The following DIAPH2 variants were observed in gnomAD, a reference collection of about 807,000 sequenced individuals.
DIAPH2 encodes diaphanous related formin 2.
In DIAPH2, 35 loss-of-function variants were observed where a neutral mutation model predicts 92.7. That is an observed-to-expected ratio of 0.38 (90% confidence interval 0.29 to 0.50). DIAPH2 has a LOEUF of 0.50. DIAPH2 is among the 20% of genes least tolerant of loss of function. DIAPH2 has a pLI of 0.94. For missense variants in DIAPH2, 701 were observed against 819.5 expected, an observed-to-expected ratio of 0.86 and a Z score of 1.77; for synonymous variants, 301 against 280.4, an observed-to-expected ratio of 1.07 and a Z score of -0.73.
chrX:96,883,406 G>A (rs1296498990), intron 5 of DIAPH2, among the ~76,000 whole-genome samples: 1 of 107,040 alleles, frequency 9.3e-6, no homozygotes, highest in Non-Finnish European at 1.9e-5. Context: ...TTGAGACGGA[G>A]TTTTGTTCTT....
chrX:97,097,396 A>G (rs906174628), intron 19 of DIAPH2, among the ~76,000 whole-genome samples: 8 of 112,000 alleles, frequency 7.1e-5, no homozygotes, highest in Admixed American at 6.6e-4. Flanking sequence ...CTTAAAACTC[A>G]TAAGATGATA....
intron 4 of DIAPH2, among the ~76,000 whole-genome samples, chrX:96,787,686 CTTTTTTTTTTTT>C (rs56998803): frequency 1.8e-5 from 1 of 54,735 alleles, no homozygotes; most frequent in African/African-American, 9.1e-5. Context: ...ACTCTTTTCT[CTTTTTTTTTTTT>C]TTTTTTTTTT....
intron 17 of DIAPH2, among the ~76,000 whole-genome samples, chrX:96,974,901 C>G (rs1391184882): frequency 9.0e-6 from 1 of 111,151 alleles, no homozygotes; most frequent in Non-Finnish European, 1.9e-5. Flanking sequence ...ATTAGAATTT[C>G]TAGGGTTCTC....
chrX:97,028,168 A>G (rs2066347835), intron 17 of DIAPH2, among the ~76,000 whole-genome samples: 1 of 110,976 alleles, frequency 9.0e-6, no homozygotes, highest in African/African-American at 3.3e-5. Context: ...TCTTCCTAAC[A>G]TTTAAATGAT....
intron 17 of DIAPH2, among the ~76,000 whole-genome samples, chrX:96,993,710 A>T (rs1307486881): frequency 1.8e-5 from 2 of 112,221 alleles, no homozygotes; most frequent in Non-Finnish European, 3.8e-5. Context: ...TATCAGGCAG[A>T]TATATAAAGT....
At chrX:97,104,810 T>C (rs1393614313) in intron 20 of DIAPH2, among the ~76,000 whole-genome samples, 1 of 111,832 alleles carries the variant, frequency 8.9e-6, no homozygotes, top group Non-Finnish European at 1.9e-5. Flanking sequence ...ATTAGATTAC[T>C]CTTGCAGTAT....
At chrX:97,207,210 T>C (rs1002435635) in intron 22 of DIAPH2, among the ~76,000 whole-genome samples, 1 of 112,102 alleles carries the variant, frequency 8.9e-6, no homozygotes, top group Non-Finnish European at 1.9e-5. Context: ...ATGAAGAAAG[T>C]ACTTTACCAA....
intron 23 of DIAPH2, among the ~76,000 whole-genome samples, chrX:97,283,030 T>C (rs1974120671): frequency 9.0e-6 from 1 of 111,474 alleles, no homozygotes; most frequent in South Asian, 3.8e-4. Flanking sequence ...TAGTGGTAGA[T>C]GGAGGCTGAC....
intron 23 of DIAPH2, among the ~76,000 whole-genome samples, chrX:97,316,511 C>T (rs2068841780): frequency 9.3e-6 from 1 of 107,655 alleles, no homozygotes; most frequent in Admixed American, 1.0e-4. Context: ...AAAAAACTAG[C>T]CGGGCCTGGT....
chrX:97,336,583 TG>T (rs1417988875), intron 23 of DIAPH2, among the ~76,000 whole-genome samples: 1 of 111,232 alleles, frequency 9.0e-6, no homozygotes, highest in Non-Finnish European at 1.9e-5. Flanking sequence ...ATTTAAAAAA[TG>T]TTTTGTATTT....
chrX:97,474,114 G>A (rs2070585690), intron 26 of DIAPH2, among the ~76,000 whole-genome samples: 1 of 112,541 alleles, frequency 8.9e-6, no homozygotes, highest in Non-Finnish European at 1.9e-5. Context: ...AATTGTGACA[G>A]AGACTCTGTG....
At chrX:97,109,605 C>A (rs998906010) in intron 20 of DIAPH2, among the ~76,000 whole-genome samples, 6 of 110,971 alleles carry the variant, frequency 5.4e-5, no homozygotes, top group African/African-American at 2.0e-4. Context: ...CTGTATGGGG[C>A]TCTGAATTTG....
At chrX:96,810,147 G>A (rs1256916879) in intron 4 of DIAPH2, among the ~76,000 whole-genome samples, 1 of 112,189 alleles carries the variant, frequency 8.9e-6, no homozygotes, top group Non-Finnish European at 1.9e-5. Flanking sequence ...GTGTAAAAGT[G>A]TTCCTATTTC....
chrX:96,759,036 A>G (rs2064250652), intron 4 of DIAPH2, among the ~76,000 whole-genome samples: 1 of 109,506 alleles, frequency 9.1e-6, no homozygotes, highest in Non-Finnish European at 1.9e-5. Context: ...TTTAATACCT[A>G]GAGTTCATAA....
At chrX:97,558,290 G>T (rs2071270857) in intron 26 of DIAPH2, among the ~76,000 whole-genome samples, 1 of 111,992 alleles carries the variant, frequency 8.9e-6, no homozygotes, top group Non-Finnish European at 1.9e-5. Context: ...GTTGAAGAAG[G>T]CTTTATATTT....
At chrX:97,090,325 T>G in intron 19 of DIAPH2, among the ~76,000 whole-genome samples, 1 of 52,762 alleles carries the variant, frequency 1.9e-5, no homozygotes, top group Non-Finnish European at 3.5e-5. Context: ...TTTTTTTTTT[T>G]TTTTTTTTTG....
intron 26 of DIAPH2, among the ~76,000 whole-genome samples, chrX:97,539,646 T>G (rs1054255500): frequency 8.9e-6 from 1 of 112,266 alleles, no homozygotes; most frequent in African/African-American, 3.2e-5. Flanking sequence ...TTATTTTGTT[T>G]ATTCATTCAT....
intron 24 of DIAPH2, among the ~76,000 whole-genome samples, chrX:97,358,776 G>A (rs1190661000): frequency 9.0e-6 from 1 of 110,884 alleles, no homozygotes; most frequent in East Asian, 2.8e-4. Context: ...AAAAACTGTC[G>A]ACTGCAATTC....
intron 17 of DIAPH2, among the ~76,000 whole-genome samples, chrX:97,030,699 A>G (rs756890599): frequency 9.0e-5 from 10 of 111,351 alleles, no homozygotes; most frequent in African/African-American, 2.9e-4. Flanking sequence ...ACCTTATTCA[A>G]TTTTGCTATC....
Sources: gnomAD v4.1 joint callset for allele counts (sites outside exome capture counted in the v4.1 genomes callset) on GRCh38, gnomAD v4.1.1 for gene constraint, MANE v1.5 for transcripts, NCBI Gene and HGNC (gene_info 2026-07-23, HGNC 2026-07-21) for gene names.